Variants in NARF observed in about 807,000 individuals in gnomAD.
NARF encodes the protein nuclear prelamin A recognition factor.
NARF carries 41 observed loss-of-function variants against 48.0 expected under a neutral mutation model. The ratio of observed to expected loss-of-function variants is 0.85; its 90% CI spans 0.66 to 1.11. The LOEUF (loss-of-function observed/expected upper bound fraction) is 1.11. Among genes scored for constraint, NARF ranks in the 50% least tolerant of loss-of-function variants. NARF has a pLI of 0.00. For missense variants in NARF, 613 were observed against 590.2 expected, an observed-to-expected ratio of 1.04 and a Z score of -0.40; for synonymous variants, 215 against 225.5, an observed-to-expected ratio of 0.95 and a Z score of 0.42.
intron 6 of NARF, 32 bp from the exon 7 acceptor site, chr17:82,481,050 C>G (rs1283961785): frequency 6.2e-7 from 1 of 1,613,658 alleles, no homozygotes; most frequent in Admixed American, 1.7e-5. Context: ...ACCTCTTCAC[C>G]AGCCCTAAAT....
In NARF at chr17:82,468,790, G is replaced by C. The variant is rs2043631815; in HGVS notation, c.279G>C (p.Val93=). The C allele has an allele frequency of 3.7e-6, 6 of 1,614,028 alleles. No individual in the cohort carries two copies. The highest frequency in any genetic ancestry group is 5.1e-6 in the Non-Finnish European group (6 of 1,179,948). The stretch of plus-strand genomic sequence containing the variant: ...AATGTGATACCTCAAAGCACAAAGT[G>C]CTGGTAGTGTCTGTGTGTCCTCAAT... ...NKKCDTSKHK[V]LVVSVCPQSL... Residue 93 remains valine, a synonymous_variant, in exon 4 of 11, where the codon GTG becomes GTC. Coordinates refer to ENST00000309794, the MANE Select transcript of NARF (RefSeq NM_012336.4).
intron 2 of NARF, chr17:82,462,782 C>G (rs1199455444): frequency 6.6e-6 from 1 of 152,468 alleles, no homozygotes; most frequent in East Asian, 1.9e-4. Flanking sequence ...CAGACCTGGA[C>G]CATGAAAACT....
intron 4 of NARF, among the ~76,000 whole-genome samples, chr17:82,471,791 CAAA>C (rs58302009): frequency 7.7e-5 from 5 of 64,594 alleles, no homozygotes; most frequent in East Asian, 1.1e-3. Flanking sequence ...GACTCCGTCT[CAAA>C]AAAAAAAAAA....
At position 82,488,987 on chromosome 17, in the gene NARF, A is replaced by G. The variant is rs1462456453; in HGVS notation, c.*830A>G. ...CCCATTTTGGCTCTTTCTTTTACCC[A>G]CTCATATTTTCCTTGAAAATGTTTT... On this transcript the variant is annotated 3_prime_UTR_variant, in exon 11 of 11. Transcript: ENST00000309794. 1.3e-5 allele frequency: 2 copies of G among 152,452 alleles called. No individual in the cohort carries two copies. The highest frequency in any genetic ancestry group is 2.0e-4 in the South Asian group (1 of 4,948). 9.4% of individuals were successfully genotyped at this position (152,452 alleles called of 1,614,324 possible).
intron 2 of NARF, among the ~76,000 whole-genome samples, chr17:82,462,264 A>G (rs1195588219): frequency 6.6e-6 from 1 of 152,126 alleles, no homozygotes; most frequent in Non-Finnish European, 1.5e-5. Flanking sequence ...AGTGTAGGGA[A>G]GGGCACTGGC....
Position 82,488,267 on chromosome 17 carries a change from A to G in NARF, c.*110A>G, listed in dbSNP as rs1442112394. 6.1e-6 allele frequency: 9 copies of G among 1,464,192 alleles called. No individual in the cohort carries two copies. The highest frequency in any genetic ancestry group is 8.1e-6 in the Non-Finnish European group (9 of 1,104,890). 90.7% of individuals were successfully genotyped at this position (1,464,192 alleles called of 1,614,324 possible). A position where few individuals can be genotyped will look rare whatever the true frequency, so the allele number is the denominator to read the frequency against. ...TAAAGACACTTAAGAAAACCGCTCA[A>G]TGGATTACTTTGGTTTCTCCGAGTT... On this transcript the variant is annotated 3_prime_UTR_variant, in exon 11 of 11. Transcript: ENST00000309794.
chr17:82,485,772 A>T, intron 10 of NARF, 118 bp downstream of exon 10: 2 of 1,211,952 alleles, frequency 1.7e-6, no homozygotes, highest in Non-Finnish European at 2.3e-6. Flanking sequence ...CAGCCCTGAG[A>T]GCTTTGTAGG....
chr17:82,468,644 A>G (rs927979240), intron 3 of NARF, 120 bp from the exon 4 acceptor site: 24 of 938,916 alleles, frequency 2.6e-5, no homozygotes, highest in Non-Finnish European at 3.6e-5. Context: ...GTGTTTGTCT[A>G]TTTTATTAGT....
At chr17:82,486,179 A>AG (rs1854499956) in intron 10 of NARF, among the ~76,000 whole-genome samples, 1 of 152,086 alleles carries the variant, frequency 6.6e-6, no homozygotes, top group Non-Finnish European at 1.5e-5. Context: ...CACCTGGGGC[A>AG]GGGGGAGTGA....
At chr17:82,467,901 T>G (rs2043608453) in intron 3 of NARF, among the ~76,000 whole-genome samples, 1 of 152,242 alleles carries the variant, frequency 6.6e-6, no homozygotes, top group South Asian at 2.1e-4. Flanking sequence ...TGGCCAATGT[T>G]GTAATTTGTA....
In NARF at chr17:82,460,022, C is replaced by A; in HGVS notation, c.58C>A (p.Gln20Lys). ...ECSKKTKTDDQENVSADAPSP... is the reference protein window; with the variant it reads ...ECSKKTKTDDKENVSADAPSP... ...TAGTAAGAAAACAAAAACTGATGAC[C>A]AAGAGAATGTGTCAGCCGATGCACC... The change falls in exon 2 of 11, where the codon CAA becomes AAA. Residue 20 changes from glutamine (Q) to lysine (K), a missense_variant. Physicochemically the swap from Gln to Lys is moderately conservative, Grantham distance 53. Transcript: ENST00000309794. 1.9e-6 allele frequency: 3 copies of A among 1,613,646 alleles called. No homozygotes were observed. The highest frequency in any genetic ancestry group is 2.5e-6 in the Non-Finnish European group (3 of 1,179,828).
chr17:82,483,577 G>A, intron 7 of NARF, 139 bp from the exon 8 acceptor site: 1 of 711,394 alleles, frequency 1.4e-6, no homozygotes, highest in Non-Finnish European at 2.5e-6. Context: ...TTGCCCTTTA[G>A]ATGGACTCCT....
chr17:82,472,691 C>T lies in NARF; in HGVS notation c.513C>T (p.Ala171=), dbSNP rs937515056. ...EERTLPMLTS[A]CPGWVRYAER... Reference sequence around the variant, plus strand: ...GCACCCTGCCCATGCTGACCTCTGCCTGTCCTGGTGAGCCCCTGGACCCCC... The same window carrying T: ...GCACCCTGCCCATGCTGACCTCTGCTTGTCCTGGTGAGCCCCTGGACCCCC... The change falls in exon 5 of 11, where the codon GCC becomes GCT. Residue 171 remains alanine (A), a synonymous_variant. Transcript: ENST00000309794. 6.2e-7 allele frequency: 1 copy of T among 1,613,022 alleles called. No homozygotes were observed. The highest frequency in any genetic ancestry group is 8.5e-7 in the Non-Finnish European group (1 of 1,179,688).
chr17:82,471,805 A>AAAAAAAAAAAAAAAAAAAAAAAG (rs1567935705), intron 4 of NARF, among the ~76,000 whole-genome samples: 2 of 148,544 alleles, frequency 1.3e-5, no homozygotes, highest in African/African-American at 5.0e-5. Context: ...AAAAAAAAAA[A>AAAAAAAAAAAAAAAAAAAAAAAG]AAGTATGCCC....
rs532047656 is a variant in NARF at position 82,484,758 on chromosome 17, T to C, written c.834-55T>C. The C allele has an allele frequency of 4.6e-6, 7 of 1,517,014 alleles. No homozygotes were observed. The African/African-American group carries it at 9.8e-5, about 21-fold the overall frequency. 94.0% of individuals were successfully genotyped at this position (1,517,014 alleles called of 1,614,324 possible). A position where few individuals can be genotyped will look rare whatever the true frequency, so the allele number is the denominator to read the frequency against. ...CCTCAGGAAGTCTGGTTTCACTCTT[T>C]CTGTCACTGTACGTCAGCATTCATG... On this transcript the variant is annotated intron_variant, in intron 8 of 10. Coordinates refer to ENST00000309794, the MANE Select transcript of NARF (RefSeq NM_012336.4).
chr17:82,474,730 A>C (rs1205368197), intron 5 of NARF, among the ~76,000 whole-genome samples: 2 of 151,946 alleles, frequency 1.3e-5, no homozygotes, highest in African/African-American at 4.8e-5. Context: ...ATACGGACTT[A>C]CTCTCTAGCC....
At position 82,469,529 on chromosome 17, in the gene NARF, G is replaced by C. The variant is rs569556535; in HGVS notation, c.385+633G>C. On this transcript the variant is annotated intron_variant, in intron 4 of 10. Transcript: ENST00000309794. Reference sequence around the variant, plus strand: ...ACAGCCTTGAGCATCCTCATAGCATGATGGTCAGTGTGCAAGTTCAGAAAG... The same window carrying C: ...ACAGCCTTGAGCATCCTCATAGCATCATGGTCAGTGTGCAAGTTCAGAAAG... Among the ~76,000 whole-genome samples the C allele has an allele frequency of 2.0e-5, 3 of 152,274 alleles. No individual in the cohort carries two copies. In the South Asian group the frequency reaches 6.2e-4, roughly 32 times the overall value.
chr17:82,471,624 C>G (rs1437560613), intron 4 of NARF, among the ~76,000 whole-genome samples: 1 of 146,634 alleles, frequency 6.8e-6, no homozygotes, highest in South Asian at 2.2e-4. Flanking sequence ...AACCCCATCT[C>G]TACTAAAAAT....
chr17:82,467,514 G>T (rs2043598287), intron 3 of NARF, among the ~76,000 whole-genome samples: 1 of 151,758 alleles, frequency 6.6e-6, no homozygotes, highest in Admixed American at 6.6e-5. Flanking sequence ...TGGAGATGGA[G>T]TCTCACTCTG....
Sources: allele counts gnomAD v4.1 joint callset (sites outside exome capture counted in the v4.1 genomes callset), GRCh38; gene constraint gnomAD v4.1.1; transcripts MANE v1.5; gene names NCBI Gene and HGNC (gene_info 2026-07-23, HGNC 2026-07-21).